PRKCZ: variants seen among roughly 807,000 people sequenced by gnomAD.
PRKCZ encodes the protein protein kinase C zeta type.
Under a neutral mutation model 79.5 loss-of-function variants are expected in PRKCZ, and 33 were observed. That is an observed-to-expected ratio of 0.41 (90% confidence interval 0.31 to 0.55). The LOEUF (loss-of-function observed/expected upper bound fraction) is 0.55, where lower values mean the gene tolerates loss of function less well. Among genes scored for constraint, PRKCZ ranks in the 20% least tolerant of loss-of-function variants. PRKCZ has a pLI of 0.19. For missense variants in PRKCZ, 578 were observed against 813.5 expected (o/e 0.71, Z 3.52); for synonymous variants, 342 against 320.9 (o/e 1.07, Z -0.70).
intron 9 of PRKCZ, among the ~76,000 whole-genome samples, chr1:2,155,288 GGTA>G (rs199729802): frequency 0.046 from 6,986 of 150,420 alleles, 485 homozygotes; most frequent in African/African-American, 0.16. Context: ...TGATGATGAT[GGTA>G]GTGGTGATGA....
chr1:2,152,751 A>G (rs1680150478), intron 9 of PRKCZ, among the ~76,000 whole-genome samples: 1 of 152,164 alleles, frequency 6.6e-6, no homozygotes, highest in Non-Finnish European at 1.5e-5. Context: ...GCTTGACAGA[A>G]CGGAGTTGTG....
intron 4 of PRKCZ, among the ~76,000 whole-genome samples, chr1:2,120,414 C>T (rs1367647923): frequency 2.0e-5 from 3 of 149,026 alleles, no homozygotes; most frequent in Non-Finnish European, 3.0e-5. Flanking sequence ...ATTCTCCTGC[C>T]TCAGCGTCCC....
chr1:2,069,969 G>C (rs748060637), intron 4 of PRKCZ, among the ~76,000 whole-genome samples: 19 of 152,190 alleles, frequency 1.2e-4, no homozygotes, highest in Admixed American at 1.3e-4. Context: ...CCCTGTGGAG[G>C]AGGTGCCGGG....
In PRKCZ at chr1:2,119,855, T is replaced by G. The variant is rs184399027; in HGVS notation, c.335-15407T>G. 2.1e-3 allele frequency among the ~76,000 whole-genome samples: 324 copies of G among 151,676 alleles called. 9 individuals are homozygous for G. Among genetic ancestry groups the G allele is most frequent in the East Asian group, 0.018 (92 of 5,156 alleles). ...AGGCTGGAGTGCAGTGGTGTGATTT[T>G]GGCTCACTGCAGCCTCCACCTCCCA... is the stretch of plus-strand genomic sequence containing the variant. On this transcript the variant is annotated intron_variant, in intron 4 of 17. Coordinates refer to ENST00000378567, the MANE Select transcript of PRKCZ (RefSeq NM_002744.6).
At chr1:2,087,631 G>A (rs13303130) in intron 4 of PRKCZ, among the ~76,000 whole-genome samples, 17,010 of 152,212 alleles carry the variant, frequency 0.11, 1,050 homozygotes, top group Middle Eastern at 0.16. Flanking sequence ...TTACCGAGAG[G>A]AGTATAGCAG....
At position 2,177,957 on chromosome 1, in the gene PRKCZ, T is replaced by G. The variant is rs1477603943; in HGVS notation, c.1575+2644T>G. On this transcript the variant is annotated intron_variant, in intron 16 of 17. Coordinates refer to ENST00000378567, the MANE Select transcript of PRKCZ (RefSeq NM_002744.6). This position sits in a 1 kb window ranked among gnomAD's most constrained non-coding sequence, Gnocchi z 6.4. ...GCCGACCCTGCCTCTGCCGTTTCCT[T>G]GCCACCCATCAGCTCTTGAGGCTTT... 2.0e-5 allele frequency among the ~76,000 whole-genome samples: 3 copies of G among 152,184 alleles called. No homozygotes were observed. The highest frequency in any genetic ancestry group is 4.4e-5 in the Non-Finnish European group (3 of 68,028).
Position 2,069,963 on chromosome 1 carries a change from G to T in PRKCZ, c.334+10372G>T, listed in dbSNP as rs540071779. ...GGTAAAGACTCAGGGTGCCCGCCCT[G>T]TGGAGGAGGTGCCGGGGGTAGCCTG... On this transcript the variant is annotated intron_variant, in intron 4 of 17. Coordinates refer to ENST00000378567, the MANE Select transcript of PRKCZ (RefSeq NM_002744.6). 2.3e-4 allele frequency among the ~76,000 whole-genome samples: 35 copies of T among 152,316 alleles called. No individual in the cohort carries two copies. The East Asian group carries it at 6.6e-3, about 29-fold the overall frequency.
At position 2,121,692 on chromosome 1, in the gene PRKCZ, G is replaced by A. The variant is rs1270610101; in HGVS notation, c.335-13570G>A. 4.3e-4 allele frequency among the ~76,000 whole-genome samples: 54 copies of A among 126,056 alleles called. 7 individuals carry two copies. Among genetic ancestry groups the A allele is most frequent in the African/African-American group, 1.5e-3 (48 of 30,968 alleles). The allele number at this position is 126,056 out of a possible 152,430, so 82.7% of individuals were successfully genotyped here. ...CGTGGTGGTGGTTAGGGTCACGGTG[G>A]TGGTTAGGGTCACGGTGGTAGTTAG... On this transcript the variant is annotated intron_variant, in intron 4 of 17. Transcript: ENST00000378567.
chr1:2,139,415 C>G (rs1264047919), intron 5 of PRKCZ, among the ~76,000 whole-genome samples: 1 of 152,046 alleles, frequency 6.6e-6, no homozygotes, highest in African/African-American at 2.4e-5. Context: ...TGGTGAAACC[C>G]CGTGTCTACT....
chr1:2,111,089 G>GGGCC (rs1334305439), intron 4 of PRKCZ, among the ~76,000 whole-genome samples: 2 of 152,108 alleles, frequency 1.3e-5, no homozygotes, highest in African/African-American at 4.8e-5. Context: ...GAGGAAAGTT[G>GGGCC]GGCCTGCTGC....
chr1:2,052,890 T>C (rs1277242639), intron 1 of PRKCZ, among the ~76,000 whole-genome samples: 1 of 152,142 alleles, frequency 6.6e-6, no homozygotes, highest in African/African-American at 2.4e-5. Context: ...CCATGGGGCA[T>C]GGCCACCCCG....
At chr1:2,074,341 G>A (rs974514181) in intron 4 of PRKCZ, 6 of 1,543,996 alleles carry the variant, frequency 3.9e-6, no homozygotes, top group Non-Finnish European at 5.2e-6. Context: ...GGGGGGCTTG[G>A]GGAAATCGTC....
chr1:2,087,037 CTTTA>C (rs1664647061), intron 4 of PRKCZ, among the ~76,000 whole-genome samples: 1 of 152,026 alleles, frequency 6.6e-6, no homozygotes, highest in Non-Finnish European at 1.5e-5. Context: ...GGTCAGTTGG[CTTTA>C]TTTGTTTCTG....
At chr1:2,141,858 C>G (rs1677388470) in intron 5 of PRKCZ, 1 of 306,442 alleles carries the variant, frequency 3.3e-6, no homozygotes, top group African/African-American at 2.2e-5. Flanking sequence ...TGGAGCAGGT[C>G]TGCACAGCCA....
chr1:2,143,911 C>T (rs1003125461), intron 5 of PRKCZ: 3 of 313,806 alleles, frequency 9.6e-6, no homozygotes, highest in African/African-American at 6.4e-5. Flanking sequence ...GCCACGGGGC[C>T]TTGCCTGAAG....
intron 4 of PRKCZ, among the ~76,000 whole-genome samples, chr1:2,081,733 G>A (rs1173029292): frequency 6.6e-6 from 1 of 152,168 alleles, no homozygotes; most frequent in African/African-American, 2.4e-5. Flanking sequence ...AGCAGCCCAG[G>A]CTCTGCATGG....
rs1685944896 is a variant in PRKCZ, at chr1:2,178,629, AG to A, written c.1575+3322del. ...TCCGGTGGTCTCAGTCTAGCCTTTC[AG>A]GGGGGCCACCTGTTCCTGCAGCGGC... On this transcript the variant is annotated intron_variant, in intron 16 of 17. Transcript: ENST00000378567. The surrounding 1 kb of genome is among the most constrained non-coding windows in gnomAD (Gnocchi z 4.3). Among the ~76,000 whole-genome samples the A allele has an allele frequency of 1.3e-5, 2 of 152,050 alleles. No homozygotes were observed. Among genetic ancestry groups the A allele is most frequent in the African/African-American group, 2.4e-5 (1 of 41,418 alleles).
At position 2,178,151 on chromosome 1, in the gene PRKCZ, A is replaced by G. The variant is rs761249236; in HGVS notation, c.1575+2838A>G. On this transcript the variant is annotated intron_variant, in intron 16 of 17. Transcript: ENST00000378567. The surrounding 1 kb of genome is among the most constrained non-coding windows in gnomAD (Gnocchi z 4.3). ...AGCAATCCCAGAGTTACATGACGTCATCGCGATCACTTTCATCACCCTGTA... is the reference window on the plus strand; with the variant it reads ...AGCAATCCCAGAGTTACATGACGTCGTCGCGATCACTTTCATCACCCTGTA... Among the ~76,000 whole-genome samples the G allele has an allele frequency of 3.9e-5, 6 of 152,204 alleles. No homozygotes were observed. Among genetic ancestry groups the G allele is most frequent in the Admixed American group, 2.0e-4 (3 of 15,284 alleles).
rs965316087 is a variant in PRKCZ, at chr1:2,091,779, C to T, written c.334+32188C>T. Among the ~76,000 whole-genome samples, 20 of 152,106 alleles carry T rather than the reference C, an allele frequency of 1.3e-4. 1 individual carries two copies. The highest frequency in any genetic ancestry group is 3.4e-4 in the African/African-American group (14 of 41,402). On this transcript the variant is annotated intron_variant, in intron 4 of 17. Coordinates refer to ENST00000378567, the MANE Select transcript of PRKCZ (RefSeq NM_002744.6). ...GTGAACTGATCCCACTTGTTCCATG[C>T]GGACCCACCGATTACCAGGTGGGAG...
Sources: gnomAD v4.1 joint callset for allele counts (sites outside exome capture counted in the v4.1 genomes callset) on GRCh38, gnomAD v4.1.1 for gene constraint, Gnocchi (gnomAD v3.1) non-coding constraint, MANE v1.5 for transcripts, NCBI Gene and HGNC (gene_info 2026-07-23, HGNC 2026-07-21) for gene names.